Variants in NME8 observed in about 807,000 individuals in gnomAD.
NME8 encodes NME/NM23 family member 8, also known as protein NME8.
Under a neutral mutation model 82.3 loss-of-function variants are expected in NME8, and 72 were observed. The observed-to-expected ratio is 0.87, with a 90% confidence interval of 0.72 to 1.06. The LOEUF is 1.06. NME8 is among the 50% of genes least tolerant of loss of function. The pLI is 0.00. For missense variants in NME8, 712 were observed against 685.4 expected (o/e 1.04, Z -0.43); for synonymous variants, 267 against 228.5 (o/e 1.17, Z -1.52).
At chr7:37,876,075 G>A (rs1398924905) in intron 11 of NME8, among the ~76,000 whole-genome samples, 1 of 146,580 alleles carries the variant, frequency 6.8e-6, no homozygotes, top group East Asian at 2.1e-4. Context: ...CTGGGCTGGG[G>A]GTGTGCGCCT....
intron 12 of NME8, among the ~76,000 whole-genome samples, chr7:37,877,582 T>A (rs1784875993): frequency 6.6e-6 from 1 of 152,236 alleles, no homozygotes; most frequent in Non-Finnish European, 1.5e-5. Flanking sequence ...TTTTATTCTC[T>A]GACTTGTCCA....
chr7:37,865,466 T>A (rs1784662182), intron 9 of NME8, 59 bp from the exon 10 acceptor site: 1 of 1,217,270 alleles, frequency 8.2e-7, no homozygotes, highest in Non-Finnish European at 1.2e-6. Flanking sequence ...AAAACAAACT[T>A]AACTTGTTTT....
Position 37,865,510 on chromosome 7 carries a change from A to G in NME8, c.529-15A>G. ...TCCCACGACACCTGGATTTGACCTTACTCTCTAATTGAAGATTACCAAAGC... is the reference window on the plus strand; with the variant it reads ...TCCCACGACACCTGGATTTGACCTTGCTCTCTAATTGAAGATTACCAAAGC... On this transcript the variant is annotated splice_polypyrimidine_tract_variant and intron_variant, in intron 9 of 17. Transcript: ENST00000199447. The G allele has an allele frequency of 1.3e-6, 2 of 1,571,582 alleles. No homozygotes were observed. The highest frequency in any genetic ancestry group is 8.8e-7 in the Non-Finnish European group (1 of 1,141,444).
intron 16 of NME8, 46 bp from the exon 17 acceptor site, chr7:37,896,824 A>G (rs1160959642): frequency 6.5e-7 from 1 of 1,529,888 alleles, no homozygotes; most frequent in Non-Finnish European, 9.1e-7. Context: ...TGCAGTGTCA[A>G]CAGTTTTCAG....
chr7:37,872,446 G>A (rs976629902), intron 11 of NME8, among the ~76,000 whole-genome samples: 1 of 152,132 alleles, frequency 6.6e-6, no homozygotes, highest in African/African-American at 2.4e-5. Context: ...CACAAGTCTA[G>A]TGAAAAAGAA....
At chr7:37,873,063 A>T (rs1190784599) in intron 11 of NME8, among the ~76,000 whole-genome samples, 1 of 152,206 alleles carries the variant, frequency 6.6e-6, no homozygotes, top group East Asian at 1.9e-4. Flanking sequence ...GCAAACAATT[A>T]TGCTAGAATA....
intron 5 of NME8, among the ~76,000 whole-genome samples, chr7:37,855,007 G>T (rs1784491490): frequency 1.3e-5 from 2 of 152,056 alleles, no homozygotes; most frequent in Non-Finnish European, 2.9e-5. Flanking sequence ...CTTTAATGAT[G>T]TTCTATCAGG....
At chr7:37,896,229 C>G (rs1785227359) in intron 16 of NME8, among the ~76,000 whole-genome samples, 1 of 152,192 alleles carries the variant, frequency 6.6e-6, no homozygotes, top group African/African-American at 2.4e-5. Context: ...TGTACCATGA[C>G]AGCTTAGAAA....
At chr7:37,882,636 AAAGAAAGAGAAAGAAAGAAAG>A (rs1403913512) in intron 12 of NME8, among the ~76,000 whole-genome samples, 3 of 119,784 alleles carry the variant, frequency 2.5e-5, no homozygotes, top group African/African-American at 8.9e-5. Context: ...AGAAAGAAAG[AAAGAAAGAGAAAGAAAGAAAG>A]AGAAAGAAAG....
chr7:37,868,037 G>A (rs73119070), intron 11 of NME8, 139 bp downstream of exon 11: 8,361 of 749,034 alleles, frequency 0.011, 90 homozygotes, highest in Non-Finnish European at 0.014. Flanking sequence ...CTAACATACT[G>A]TATATTCAGA....
At position 37,894,576 on chromosome 7, in the gene NME8, G is replaced by C. The variant is rs774793704; in HGVS notation, c.1510G>C (p.Asp504His). The C allele has an allele frequency of 6.3e-7, 1 of 1,599,436 alleles. No homozygotes were observed. Among genetic ancestry groups the C allele is most frequent in the Non-Finnish European group, 8.6e-7 (1 of 1,167,132 alleles). Residue 504 changes from aspartate to histidine, a missense_variant, in exon 16 of 18, where the codon GAC becomes CAC. Transcript: ENST00000199447. The stretch of plus-strand genomic sequence containing the variant: ...AATTTATCCAAAAGTAACAGGAAAA[G>C]ACTTTTATAAAGATTTATTGGAAAT... ...EKIYPKVTGK[D>H]FYKDLLEMLS...
rs143559107 is a variant in NME8 at position 37,863,448 on chromosome 7, C to T, written c.440C>T (p.Pro147Leu). The T allele has an allele frequency of 2.8e-4, 440 of 1,596,234 alleles. 3 individuals carry two copies. In the East Asian group the frequency reaches 9.6e-3, roughly 35 times the overall value. The change falls in exon 8 of 18, where the codon CCA becomes CTA. Residue 147 changes from proline (P) to leucine (L), a missense_variant. Transcript: ENST00000199447. ...DSDSEVSEES[P>L]CESVQELYSI... ...GATTCAGAAGTTAGTGAAGAATCAC[C>T]ATGTGAAAGTGTTCGTAAGTAAATT...
In NME8 at chr7:37,848,902, C is replaced by A. The variant is rs1280367008; in HGVS notation, c.-162C>A. ...CCAGCAGGAGGCCTGCTAGCCTCAGCCTCGGGCCCTACCAGGGTCCTAGGT... is the reference window on the plus strand; with the variant it reads ...CCAGCAGGAGGCCTGCTAGCCTCAGACTCGGGCCCTACCAGGGTCCTAGGT... On this transcript the variant is annotated 5_prime_UTR_variant, in exon 2 of 18. Coordinates refer to ENST00000199447, the MANE Select transcript of NME8 (RefSeq NM_016616.5). 1 of 152,276 alleles carries A rather than the reference C, an allele frequency of 6.6e-6. No homozygotes were observed. Among genetic ancestry groups the A allele is most frequent in the Non-Finnish European group, 1.5e-5 (1 of 68,098 alleles). 9.4% of individuals were successfully genotyped at this position (152,276 alleles called of 1,614,324 possible).
At chr7:37,895,772 C>T (rs1470094120) in intron 16 of NME8, among the ~76,000 whole-genome samples, 2 of 152,076 alleles carry the variant, frequency 1.3e-5, no homozygotes, top group Non-Finnish European at 2.9e-5. Context: ...CAATGCATTA[C>T]CATTTGTGTT....
intron 15 of NME8, among the ~76,000 whole-genome samples, chr7:37,889,186 G>C (rs1785091288): frequency 6.6e-6 from 1 of 151,820 alleles, no homozygotes; most frequent in African/African-American, 2.4e-5. Context: ...TTCCTAGGAA[G>C]TTATCTATTC....
rs777145868 is a variant in NME8, at chr7:37,896,963, A to T, written c.1638A>T (p.Leu546Phe). 1 of 1,613,946 alleles carries T rather than the reference A, an allele frequency of 6.2e-7. No homozygotes were observed. The highest frequency in any genetic ancestry group is 8.5e-7 in the Non-Finnish European group (1 of 1,179,904). ...CAACAGACCCAGAAGAAGCAAAATTACTTTCCCCTGACTCCATCCGAGCCC... is the reference window on the plus strand; with the variant it reads ...CAACAGACCCAGAAGAAGCAAAATTTCTTTCCCCTGACTCCATCCGAGCCC... ...MGPTDPEEAK[L>F]LSPDSIRAQF... Residue 546 changes from leucine (L) to phenylalanine (F), a missense_variant, in exon 17 of 18, where the codon TTA becomes TTT. Coordinates refer to ENST00000199447, the MANE Select transcript of NME8 (RefSeq NM_016616.5).
At chr7:37,857,456 A>AT in intron 6 of NME8, 111 bp downstream of exon 6, 1 of 735,146 alleles carries the variant, frequency 1.4e-6, no homozygotes, top group Admixed American at 2.2e-5. Flanking sequence ...TAATTACACA[A>AT]TGTTTGCCTT....
In NME8 at chr7:37,882,379, G is replaced by T. The variant is rs552452029; in HGVS notation, c.995-1924G>T. On this transcript the variant is annotated intron_variant, in intron 12 of 17. Transcript: ENST00000199447. Reference sequence around the variant, plus strand: ...GCCCATGCCTGTGGTCCCAGCTGCTGGGGAGGCTGAGGCAGGAGAATCACT... The same window carrying T: ...GCCCATGCCTGTGGTCCCAGCTGCTTGGGAGGCTGAGGCAGGAGAATCACT... Among the ~76,000 whole-genome samples the T allele has an allele frequency of 7.2e-5, 11 of 151,832 alleles. No homozygotes were observed. The East Asian group carries it at 1.4e-3, about 19-fold the overall frequency.
intron 10 of NME8, among the ~76,000 whole-genome samples, chr7:37,866,057 AC>A (rs1366668594): frequency 2.0e-5 from 3 of 151,364 alleles, no homozygotes; most frequent in African/African-American, 2.4e-5. Flanking sequence ...CCACCTCCCT[AC>A]CCCACCAACT....
Sources: gnomAD v4.1 joint callset for allele counts (sites outside exome capture counted in the v4.1 genomes callset) on GRCh38, gnomAD v4.1.1 for gene constraint, MANE v1.5 for transcripts, NCBI Gene and HGNC (gene_info 2026-07-23, HGNC 2026-07-21) for gene names.